Variants in EDNRA observed in about 807,000 individuals in gnomAD.
EDNRA encodes the protein endothelin receptor type A.
A neutral mutation model predicts 41.4 loss-of-function variants in EDNRA; 11 were observed. The observed-to-expected ratio is 0.27, with a 90% CI of 0.17 to 0.44. The LOEUF (loss-of-function observed/expected upper bound fraction) is 0.44, where lower values mean the gene tolerates loss of function less well. EDNRA is among the 20% of genes least tolerant of loss of function. EDNRA has a pLI of 1.00. For missense variants in EDNRA, 294 were observed against 531.0 expected, an observed-to-expected ratio of 0.55 and a Z score of 4.39; for synonymous variants, 172 against 183.0, an observed-to-expected ratio of 0.94 and a Z score of 0.49.
intron 2 of EDNRA, chr4:147,490,433 G>A (rs963542773): frequency 1.3e-5 from 2 of 152,172 alleles, no homozygotes; most frequent in African/African-American, 4.8e-5. Context: ...GGAAGGGAAA[G>A]GAGTTAGCAG....
At chr4:147,498,155 A>G (rs551080115) in intron 2 of EDNRA, among the ~76,000 whole-genome samples, 1 of 152,264 alleles carries the variant, frequency 6.6e-6, no homozygotes, top group Non-Finnish European at 1.5e-5. Flanking sequence ...CTTACAATGT[A>G]AACACTCCCA....
intron 2 of EDNRA, among the ~76,000 whole-genome samples, chr4:147,511,707 T>C (rs1729933163): frequency 6.6e-6 from 1 of 152,218 alleles, no homozygotes; most frequent in Non-Finnish European, 1.5e-5. Context: ...TTCTGTTTTA[T>C]CTTGTTTTGT....
intron 2 of EDNRA, chr4:147,506,374 A>G: frequency 2.4e-6 from 1 of 419,326 alleles, no homozygotes; most frequent in South Asian, 2.0e-5. Flanking sequence ...ACTGAATGCC[A>G]ACAGACTGCC....
intron 2 of EDNRA, among the ~76,000 whole-genome samples, chr4:147,517,123 A>T (rs1049539023): frequency 7.2e-5 from 11 of 152,196 alleles, no homozygotes; most frequent in African/African-American, 2.7e-4. Flanking sequence ...TTAACTTTGC[A>T]TTATATAAGC....
intron 3 of EDNRA, among the ~76,000 whole-genome samples, chr4:147,520,207 C>T (rs1394458551): frequency 6.6e-6 from 1 of 152,096 alleles, no homozygotes; most frequent in Non-Finnish European, 1.5e-5. Context: ...ATCAAGAATA[C>T]CCATTTGACG....
At chr4:147,531,897 C>T in intron 3 of EDNRA, among the ~76,000 whole-genome samples, 1 of 151,074 alleles carries the variant, frequency 6.6e-6, no homozygotes, top group Non-Finnish European at 1.5e-5. Flanking sequence ...GTAGTCCCAG[C>T]TACTCGGGAG....
Position 147,517,386 on chromosome 4 carries a change from C to T in EDNRA, c.421-2465C>T, listed in dbSNP as rs536626067. On this transcript the variant is annotated intron_variant, in intron 2 of 7. Transcript: ENST00000651419. ...TGGTTCCATGGAAGAGATTAACAAGCGGGTTCTACTTGAGGTTAGATAGTT... is the reference window on the plus strand; with the variant it reads ...TGGTTCCATGGAAGAGATTAACAAGTGGGTTCTACTTGAGGTTAGATAGTT... 3.9e-5 allele frequency among the ~76,000 whole-genome samples: 6 copies of T among 152,238 alleles called. No homozygotes were observed. The South Asian group carries it at 8.3e-4, about 21-fold the overall frequency.
At chr4:147,542,278 G>T (rs978752404) in intron 7 of EDNRA, among the ~76,000 whole-genome samples, 200 bp from the exon 8 acceptor site, 1 of 152,166 alleles carries the variant, frequency 6.6e-6, no homozygotes, top group Non-Finnish European at 1.5e-5. Context: ...AGAAACAAGG[G>T]TTCTATTTCT....
At chr4:147,487,493 A>G (rs1728989455) in intron 2 of EDNRA, among the ~76,000 whole-genome samples, 1 of 152,236 alleles carries the variant, frequency 6.6e-6, no homozygotes, top group South Asian at 2.1e-4. Context: ...TATTATGCAT[A>G]GAAAGCAACT....
At chr4:147,517,289 G>A (rs994132760) in intron 2 of EDNRA, among the ~76,000 whole-genome samples, 1 of 152,146 alleles carries the variant, frequency 6.6e-6, no homozygotes, top group African/African-American at 2.4e-5. Context: ...CCTCCATGAG[G>A]ACTCCTGCTC....
chr4:147,499,700 T>A (rs966833757), intron 2 of EDNRA, among the ~76,000 whole-genome samples: 8 of 152,158 alleles, frequency 5.3e-5, no homozygotes, highest in African/African-American at 1.9e-4. Flanking sequence ...GCCATTTATG[T>A]TTCAGTTAAG....
chr4:147,532,630 G>A lies in EDNRA; in HGVS notation c.673G>A (p.Val225Ile), dbSNP rs765457542. ...GGCCATTCCTGAAGCGATTGGCTTCGTCATGGTACCCTTTGAATATAGGGG... is the reference window on the plus strand; with the variant it reads ...GGCCATTCCTGAAGCGATTGGCTTCATCATGGTACCCTTTGAATATAGGGG... ...ILAIPEAIGFVMVPFEYRGEQ... is the reference protein window; with the variant it reads ...ILAIPEAIGFIMVPFEYRGEQ... Residue 225 changes from valine to isoleucine, a missense_variant, in exon 4 of 8, where the codon GTC (valine) becomes ATC (isoleucine). This residue lies in a region of EDNRA where 185 missense variants were observed against 390.8 expected (regional missense o/e 0.47). Transcript: ENST00000651419. 34 of 1,613,882 alleles carry A rather than the reference G, an allele frequency of 2.1e-5. No homozygotes were observed. Among genetic ancestry groups the A allele is most frequent in the East Asian group, 1.3e-4 (6 of 44,886 alleles).
chr4:147,539,452 A>C (rs1158730640), intron 5 of EDNRA, among the ~76,000 whole-genome samples: 1 of 151,516 alleles, frequency 6.6e-6, no homozygotes, highest in African/African-American at 2.4e-5. Flanking sequence ...GTCACACTCC[A>C]CCCCACTACA....
At chr4:147,534,246 T>C (rs1305016713) in intron 4 of EDNRA, among the ~76,000 whole-genome samples, 1 of 152,110 alleles carries the variant, frequency 6.6e-6, no homozygotes, top group African/African-American at 2.4e-5. Flanking sequence ...GAAGGGAGAA[T>C]GGGTGCTCAA....
At chr4:147,525,750 G>C (rs546671667) in intron 3 of EDNRA, among the ~76,000 whole-genome samples, 3 of 152,136 alleles carry the variant, frequency 2.0e-5, no homozygotes, top group African/African-American at 7.2e-5. Context: ...GGGGAAGAAG[G>C]CTATAAAAAG....
intron 2 of EDNRA, chr4:147,506,584 T>C (rs1729723551): frequency 3.5e-6 from 1 of 285,496 alleles, no homozygotes; most frequent in African/African-American, 2.3e-5. Context: ...GACATGCTAT[T>C]TTCAGCCTTT....
intron 3 of EDNRA, among the ~76,000 whole-genome samples, chr4:147,528,407 G>C (rs1250762490): frequency 6.7e-6 from 1 of 148,150 alleles, no homozygotes; most frequent in Admixed American, 6.7e-5. Context: ...ACCCAGGCTG[G>C]AGTGCAGTGC....
chr4:147,497,625 G>A (rs557100756), intron 2 of EDNRA, among the ~76,000 whole-genome samples: 1 of 151,946 alleles, frequency 6.6e-6, no homozygotes, highest in Admixed American at 6.6e-5. Context: ...AGGCTGGAGT[G>A]CAGTGGCGCG....
chr4:147,530,734 T>TGA (rs1730713041), intron 3 of EDNRA, among the ~76,000 whole-genome samples: 1 of 152,148 alleles, frequency 6.6e-6, no homozygotes, highest in African/African-American at 2.4e-5. Context: ...GTAAATGTAC[T>TGA]GAGACAGTAC....
Sources: gnomAD v4.1 joint callset for allele counts (sites outside exome capture counted in the v4.1 genomes callset) on GRCh38, gnomAD v4.1.1 for gene constraint, gnomAD v4.1.1 regional missense constraint, MANE v1.5 for transcripts, NCBI Gene and HGNC (gene_info 2026-07-23, HGNC 2026-07-21) for gene names.